TRIM16: variants seen among roughly 807,000 people sequenced by gnomAD.
The protein encoded by TRIM16 is tripartite motif-containing protein 16.
A neutral mutation model predicts 50.4 loss-of-function variants in TRIM16; 33 were observed. That is an observed-to-expected ratio of 0.65 (90% CI 0.50 to 0.88). The LOEUF (loss-of-function observed/expected upper bound fraction) is 0.88. Among genes scored for constraint, TRIM16 ranks in the 40% least tolerant of loss-of-function variants. The pLI is 0.00. For missense variants in TRIM16, 581 were observed against 686.8 expected, an observed-to-expected ratio of 0.85 and a Z score of 1.72; for synonymous variants, 229 against 270.7, an observed-to-expected ratio of 0.85 and a Z score of 1.51.
chr17:15,683,355 C>G, intron 1 of TRIM16, 198 bp from the exon 2 acceptor site: 1 of 491,494 alleles, frequency 2.0e-6, no homozygotes, highest in Non-Finnish European at 3.7e-6. Flanking sequence ...ACCACTAGGG[C>G]CCTGCAGAGT....
At chr17:15,676,303 C>T (rs976830213) in intron 6 of TRIM16, among the ~76,000 whole-genome samples, 2 of 152,108 alleles carry the variant, frequency 1.3e-5, no homozygotes, top group African/African-American at 4.8e-5. Flanking sequence ...ATAGACACTT[C>T]AAACAACTTA....
intron 9 of TRIM16, among the ~76,000 whole-genome samples, chr17:15,634,830 C>G (rs1470207629): frequency 1.3e-5 from 2 of 148,368 alleles, no homozygotes. Context: ...CACACACACA[C>G]AAAAATAAAT....
intron 8 of TRIM16, among the ~76,000 whole-genome samples, chr17:15,640,253 G>A (rs1987056856): frequency 6.8e-6 from 1 of 147,874 alleles, no homozygotes; most frequent in African/African-American, 2.5e-5. Context: ...TCTCCCTCTG[G>A]GCCCTGGCAC....
At chr17:15,640,781 G>A (rs1327406870) in intron 8 of TRIM16, among the ~76,000 whole-genome samples, 1 of 148,174 alleles carries the variant, frequency 6.7e-6, no homozygotes, top group African/African-American at 2.5e-5. Context: ...CTAGTTCCCC[G>A]GCTTACTCAC....
At chr17:15,665,532 T>G (rs898452615) in intron 6 of TRIM16, among the ~76,000 whole-genome samples, 5 of 151,812 alleles carry the variant, frequency 3.3e-5, no homozygotes, top group African/African-American at 4.8e-5. Flanking sequence ...ATAAAAAAAA[T>G]AAAGAAAGAA....
At chr17:15,657,573 C>T (rs1179117474) in intron 6 of TRIM16, among the ~76,000 whole-genome samples, 3 of 152,200 alleles carry the variant, frequency 2.0e-5, no homozygotes, top group African/African-American at 2.4e-5. Context: ...TGGAAGCTAC[C>T]GTTCTACTTT....
chr17:15,679,952 GA>G (rs1163449425), intron 4 of TRIM16, among the ~76,000 whole-genome samples: 11 of 138,804 alleles, frequency 7.9e-5, no homozygotes, highest in Middle Eastern at 3.7e-3. Context: ...AAAAAAAAAA[GA>G]AAAAAAGAAA....
chr17:15,644,682 C>T (rs1987274626), intron 7 of TRIM16, among the ~76,000 whole-genome samples: 1 of 141,822 alleles, frequency 7.1e-6, no homozygotes, highest in Admixed American at 6.9e-5. Flanking sequence ...CTCTCGGGAG[C>T]CCCCTCAGCC....
chr17:15,630,278 T>C (rs1986348680), intron 11 of TRIM16, among the ~76,000 whole-genome samples: 1 of 152,200 alleles, frequency 6.6e-6, no homozygotes, highest in South Asian at 2.1e-4. Context: ...TGAGAGTTCA[T>C]GTCCTCGAAG....
chr17:15,664,867 A>G (rs556846331), intron 6 of TRIM16, among the ~76,000 whole-genome samples: 12 of 152,176 alleles, frequency 7.9e-5, no homozygotes, highest in African/African-American at 2.9e-4. Flanking sequence ...CCCCGACTCT[A>G]CTAAAAATAC....
intron 6 of TRIM16, among the ~76,000 whole-genome samples, chr17:15,676,255 A>ACTT (rs2151425924): frequency 6.6e-6 from 1 of 152,180 alleles, no homozygotes; most frequent in Non-Finnish European, 1.5e-5. Context: ...CGGGGGGCAA[A>ACTT]CTTGCCCCTG....
At chr17:15,673,981 G>A (rs1219615126) in intron 6 of TRIM16, among the ~76,000 whole-genome samples, 1 of 152,018 alleles carries the variant, frequency 6.6e-6, no homozygotes, top group African/African-American at 2.4e-5. Context: ...TACTTTCTGA[G>A]AACTGATAGT....
intron 10 of TRIM16, 52 bp downstream of exon 10, chr17:15,632,457 T>A: frequency 1.3e-6 from 2 of 1,515,174 alleles, no homozygotes; most frequent in Non-Finnish European, 1.8e-6. Context: ...CTTCCTATCA[T>A]CTACTGCTAG....
At chr17:15,654,469 T>G (rs1468584455) in intron 6 of TRIM16, 2 of 152,146 alleles carry the variant, frequency 1.3e-5, no homozygotes, top group Admixed American at 6.5e-5. Flanking sequence ...AAAGAACGTG[T>G]AAGCAAAAAT....
chr17:15,639,302 TC>T (rs1488021209), intron 8 of TRIM16, among the ~76,000 whole-genome samples: 3 of 147,200 alleles, frequency 2.0e-5, no homozygotes, highest in Non-Finnish European at 4.5e-5. Flanking sequence ...GTCCTTGGCC[TC>T]CCAAAGTGCT....
rs1014982543 is a variant in TRIM16, at chr17:15,655,571, ATCTC to A, written c.-337-3629_-337-3626del. Reference sequence around the variant, plus strand: ...TAGCCTGGCCTGTGCCAATCATTTGATCTCTCTCTTTTTTTTTTTTTGAGACGGA... The same window carrying A: ...TAGCCTGGCCTGTGCCAATCATTTGATCTCTTTTTTTTTTTTTGAGACGGA... On this transcript the variant is annotated intron_variant, in intron 6 of 11. Transcript: ENST00000649191. Among the ~76,000 whole-genome samples the A allele has an allele frequency of 1.5e-4, 22 of 148,924 alleles. No individual in the cohort carries two copies. The South Asian group carries it at 2.9e-3, about 20-fold the overall frequency.
chr17:15,650,889 G>A (rs551395466), intron 7 of TRIM16, among the ~76,000 whole-genome samples: 3 of 152,268 alleles, frequency 2.0e-5, no homozygotes, highest in South Asian at 4.1e-4. Flanking sequence ...AGATGGGGAC[G>A]GAGCAACCTA....
chr17:15,629,254 A>G, intron 11 of TRIM16, 56 bp from the exon 12 acceptor site: 2 of 1,325,222 alleles, frequency 1.5e-6, no homozygotes, highest in Non-Finnish European at 2.1e-6. Flanking sequence ...TGATTCAGAC[A>G]GAATGCTTTA....
At chr17:15,652,131 T>C (rs1987739828) in intron 6 of TRIM16, 185 bp from the exon 7 acceptor site, 1 of 204,600 alleles carries the variant, frequency 4.9e-6, no homozygotes, top group African/African-American at 2.4e-5. Context: ...AGGAATAGGA[T>C]GCATGTTTCT....
Sources: allele counts gnomAD v4.1 joint callset (sites outside exome capture counted in the v4.1 genomes callset), GRCh38; gene constraint gnomAD v4.1.1; transcripts MANE v1.5; gene names NCBI Gene and HGNC (gene_info 2026-07-23, HGNC 2026-07-21).